The following KLF12 variants were observed in gnomAD, a reference collection of about 807,000 sequenced individuals.
KLF12 encodes the protein Krueppel-like factor 12.
Under a neutral mutation model 37.8 loss-of-function variants are expected in KLF12, and 9 were observed. The observed-to-expected ratio is 0.24, with a 90% CI of 0.14 to 0.42. The LOEUF is 0.42. Among genes scored for constraint, KLF12 ranks in the 10% least tolerant of loss-of-function variants. The probability of loss-of-function intolerance (pLI) is 1.00; values close to 1 mark genes in which losing one functional copy is unlikely to be tolerated. For missense variants in KLF12, 411 were observed against 516.0 expected, an observed-to-expected ratio of 0.80 and a Z score of 1.97; for synonymous variants, 208 against 202.1, an observed-to-expected ratio of 1.03 and a Z score of -0.25.
chr13:73,953,708 CA>C (rs1169840802), intron 2 of KLF12, among the ~76,000 whole-genome samples: 1 of 152,124 alleles, frequency 6.6e-6, no homozygotes, highest in Non-Finnish European at 1.5e-5. Context: ...TGCTCCTTAT[CA>C]AACCCAAAAT....
intron 5 of KLF12, among the ~76,000 whole-genome samples, chr13:73,778,014 A>T (rs1027297115): frequency 6.6e-6 from 1 of 151,934 alleles, no homozygotes; most frequent in African/African-American, 2.4e-5. Flanking sequence ...CATGCCTGTA[A>T]TCCCAGCTAC....
At position 73,715,357 on chromosome 13, in the gene KLF12, C is replaced by T. The variant is rs1266188987; in HGVS notation, c.1027+11G>A. ...ACTGGCTCACAGGTGAGAAGCCCTG[C>T]AGAGCGGTACCTGTATGTGTCCTCC... On this transcript the variant is annotated intron_variant, in intron 7 of 7. Transcript: ENST00000377669. 6.8e-6 allele frequency: 11 copies of T among 1,609,764 alleles called. No homozygotes were observed. Among genetic ancestry groups the T allele is most frequent in the Admixed American group, 1.7e-5 (1 of 59,574 alleles).
chr13:74,048,934 G>A (rs544312692), intron 1 of KLF12, among the ~76,000 whole-genome samples: 1 of 152,308 alleles, frequency 6.6e-6, no homozygotes, highest in African/African-American at 2.4e-5. Flanking sequence ...GGCCAATTGT[G>A]AAGAAAAATA....
At chr13:74,209,522 T>TCTCACACACA in the KLF12 span, among the ~76,000 whole-genome samples, 1 of 145,890 alleles carries the variant, frequency 6.9e-6, no homozygotes, top group African/African-American at 2.5e-5. Context: ...AACATCTTAG[T>TCTCACACACA]CACACACACA....
chr13:73,995,086 G>GA (rs1345672672), intron 1 of KLF12, 33 bp from the exon 2 acceptor site: 15 of 1,458,022 alleles, frequency 1.0e-5, no homozygotes, highest in South Asian at 8.4e-5. Context: ...AATGATGAGA[G>GA]AAAGTTCTAC....
At chr13:74,188,082 G>T in the KLF12 span, among the ~76,000 whole-genome samples, 77 of 152,074 alleles carry the variant, frequency 5.1e-4, no homozygotes, top group African/African-American at 1.7e-3. Context: ...TTCCTTTGAG[G>T]TATTATAAGG....
At chr13:74,169,563 C>A in the KLF12 span, among the ~76,000 whole-genome samples, 1 of 152,170 alleles carries the variant, frequency 6.6e-6, no homozygotes, top group Non-Finnish European at 1.5e-5. Context: ...AAATGATATG[C>A]AACTGGTAGA....
intron 1 of KLF12, among the ~76,000 whole-genome samples, chr13:74,010,281 C>T (rs1293775087): frequency 6.6e-6 from 1 of 152,220 alleles, no homozygotes; most frequent in Non-Finnish European, 1.5e-5. Flanking sequence ...TATGCAAGAA[C>T]ACCACCCTAC....
intron 1 of KLF12, among the ~76,000 whole-genome samples, chr13:74,028,866 GATCA>G (rs1353604479): frequency 1.3e-5 from 2 of 151,818 alleles, no homozygotes; most frequent in African/African-American, 4.8e-5. Context: ...TACCTTATAT[GATCA>G]ATTAAAAAGA....
intron 3 of KLF12, among the ~76,000 whole-genome samples, chr13:73,885,757 G>C (rs533514460): frequency 1.2e-3 from 190 of 152,314 alleles, no homozygotes; most frequent in African/African-American, 4.4e-3. Context: ...TTAAGCTTGG[G>C]AGAAAAACCT....
intron 1 of KLF12, among the ~76,000 whole-genome samples, chr13:74,102,697 C>CAA (rs112369721): frequency 2.8e-5 from 4 of 140,912 alleles, no homozygotes; most frequent in African/African-American, 1.0e-4. Context: ...AACTCTGTCT[C>CAA]AAAAAAAAAA....
chr13:74,293,530 G>C, the KLF12 span, among the ~76,000 whole-genome samples: 1 of 152,174 alleles, frequency 6.6e-6, no homozygotes, highest in Admixed American at 6.5e-5. Context: ...ACTGACGGAA[G>C]TGTCACAGAA....
chr13:73,758,048 T>C (rs780865752), intron 6 of KLF12, among the ~76,000 whole-genome samples: 1 of 152,012 alleles, frequency 6.6e-6, no homozygotes, highest in African/African-American at 2.4e-5. Context: ...GACATGACCA[T>C]TGCTTTGAGT....
intron 5 of KLF12, among the ~76,000 whole-genome samples, chr13:73,783,317 G>A (rs1468956989): frequency 3.3e-5 from 5 of 152,100 alleles, no homozygotes; most frequent in Admixed American, 1.3e-4. Context: ...GTTACCAGAG[G>A]CTGGGAAGGG....
intron 1 of KLF12, among the ~76,000 whole-genome samples, chr13:74,035,133 C>T (rs1893214892): frequency 6.6e-6 from 1 of 152,152 alleles, no homozygotes; most frequent in Non-Finnish European, 1.5e-5. Flanking sequence ...AGGACTCCCA[C>T]CACAAATCAA....
rs1454994101 is a variant in KLF12 at position 73,968,377 on chromosome 13, T to C, written c.34-24307A>G. On this transcript the variant is annotated intron_variant, in intron 2 of 7. Transcript: ENST00000377669. ...TACTTGTGTAATTTGTAGTCACTGG[T>C]GGGGTCTCAGACAGCTATGATTTCT... 3.3e-5 allele frequency among the ~76,000 whole-genome samples: 5 copies of C among 152,212 alleles called. No individual in the cohort carries two copies. The South Asian group carries it at 6.2e-4, about 19-fold the overall frequency.
chr13:73,817,318 C>CA (rs749318816), intron 4 of KLF12, among the ~76,000 whole-genome samples: 41 of 52,108 alleles, frequency 7.9e-4, no homozygotes, highest in South Asian at 5.1e-3. Flanking sequence ...GATCCTGTTT[C>CA]AAAAAAAAAA....
intron 1 of KLF12, among the ~76,000 whole-genome samples, chr13:74,066,806 T>A (rs1325156497): frequency 2.0e-5 from 3 of 152,186 alleles, no homozygotes; most frequent in Admixed American, 1.3e-4. Flanking sequence ...GCACCATCAC[T>A]CTGGCCTTCG....
At chr13:73,738,022 AACAC>A (rs930525748) in intron 6 of KLF12, among the ~76,000 whole-genome samples, 2 of 92,382 alleles carry the variant, frequency 2.2e-5, no homozygotes, top group African/African-American at 1.4e-4. Flanking sequence ...TCATTCAACA[AACAC>A]ACACACACAC....
Sources: allele counts gnomAD v4.1 joint callset (sites outside exome capture counted in the v4.1 genomes callset), GRCh38; gene constraint gnomAD v4.1.1; transcripts MANE v1.5; gene names NCBI Gene and HGNC (gene_info 2026-07-23, HGNC 2026-07-21).